Variants in BAG4 observed in about 807,000 individuals in gnomAD.
BAG4 encodes the protein BAG cochaperone 4, also known as BAG family molecular chaperone regulator 4.
BAG4 carries 28 observed loss-of-function variants against 52.1 expected under a neutral mutation model. The observed-to-expected ratio is 0.54, with a 90% CI of 0.40 to 0.74. The LOEUF (loss-of-function observed/expected upper bound fraction) is 0.74. Ranked by LOEUF, BAG4 falls within the 30% of genes least tolerant of loss-of-function variation. The pLI is 0.00. For missense variants in BAG4, 525 were observed against 572.0 expected (o/e 0.92, Z 0.84); for synonymous variants, 208 against 217.0 (o/e 0.96, Z 0.37).
In BAG4 at chr8:38,195,789, A is replaced by G. The variant is rs530174082; in HGVS notation, c.378+2994A>G. Among the ~76,000 whole-genome samples the G allele has an allele frequency of 5.3e-5, 8 of 152,242 alleles. No individual in the cohort carries two copies. In the South Asian group the frequency reaches 1.4e-3, roughly 28 times the overall value. ...GGTTTGGCCACATACTATAAAATCC[A>G]CCCTTCAAAGTGTACAATTCATTTG... On this transcript the variant is annotated intron_variant, in intron 2 of 4. Transcript: ENST00000287322.
rs1247367980 is a variant in BAG4 at position 38,176,909 on chromosome 8, G to T, written c.40G>T (p.Gly14Cys). 1.9e-6 allele frequency: 3 copies of T among 1,547,988 alleles called. No homozygotes were observed. Among genetic ancestry groups the T allele is most frequent in the Non-Finnish European group, 2.6e-6 (3 of 1,146,318 alleles). ...LRRSGYGPSD[G>C]PSYGRYYGPG... ...GCGCTCGGGCTACGGCCCCAGTGACGGTCCGTCCTACGGCCGCTACTACGG... is the reference window on the plus strand; with the variant it reads ...GCGCTCGGGCTACGGCCCCAGTGACTGTCCGTCCTACGGCCGCTACTACGG... The change falls in exon 1 of 5, where the codon GGT becomes TGT. Residue 14 changes from glycine (G) to cysteine (C), a missense_variant. Coordinates refer to ENST00000287322, the MANE Select transcript of BAG4 (RefSeq NM_004874.4).
intron 3 of BAG4, 133 bp from the exon 4 acceptor site, chr8:38,208,880 T>G: frequency 8.9e-7 from 1 of 1,129,212 alleles, no homozygotes; most frequent in Non-Finnish European, 1.2e-6. Flanking sequence ...TTAGATTTAC[T>G]ACAGTTTAGT....
intron 1 of BAG4, among the ~76,000 whole-genome samples, chr8:38,186,594 G>T (rs1043097515): frequency 6.6e-6 from 1 of 152,158 alleles, no homozygotes; most frequent in African/African-American, 2.4e-5. Flanking sequence ...AGGAAAAGAA[G>T]AAGCTAGGAG....
intron 1 of BAG4, among the ~76,000 whole-genome samples, chr8:38,178,186 C>A (rs1241071781): frequency 2.0e-5 from 3 of 147,412 alleles, no homozygotes; most frequent in Non-Finnish European, 4.5e-5. Context: ...GTTGGAGTCT[C>A]GCTCTGTTGC....
At chr8:38,209,297 G>A (rs1803829023) in intron 4 of BAG4, 30 bp downstream of exon 4, 2 of 1,613,598 alleles carry the variant, frequency 1.2e-6, no homozygotes, top group African/African-American at 2.7e-5. Context: ...TTCCTTTAAT[G>A]TGTGTGTAAT....
In BAG4 at chr8:38,211,461, T is replaced by TA; in HGVS notation, c.*971dup. On this transcript the variant is annotated 3_prime_UTR_variant, in exon 5 of 5. Transcript: ENST00000287322. ...TGATAGAGAGTTACAGATGAAACAT[T>TA]AAATGCCACAGTGAGTAGAAATAAT... 6.6e-6 allele frequency: 1 copy of TA among 151,732 alleles called. No homozygotes were observed. Among genetic ancestry groups the TA allele is most frequent in the Non-Finnish European group, 1.5e-5 (1 of 67,866 alleles). The allele number at this position is 151,732 out of a possible 1,614,324, so 9.4% of individuals were successfully genotyped here. A position where few individuals can be genotyped will look rare whatever the true frequency, so the allele number is the denominator to read the frequency against.
At chr8:38,183,526 G>T (rs1585651552) in intron 1 of BAG4, among the ~76,000 whole-genome samples, 1 of 152,146 alleles carries the variant, frequency 6.6e-6, no homozygotes, top group South Asian at 2.1e-4. Flanking sequence ...CAATCAGACA[G>T]ACGGAAAGCA....
At chr8:38,192,982 C>G (rs1354328777) in intron 2 of BAG4, among the ~76,000 whole-genome samples, 187 bp downstream of exon 2, 1 of 151,962 alleles carries the variant, frequency 6.6e-6, no homozygotes, top group East Asian at 1.9e-4. Flanking sequence ...ATACCTATAG[C>G]TTGAGGCATA....
intron 2 of BAG4, chr8:38,201,655 C>T (rs1803663261): frequency 6.6e-6 from 1 of 151,534 alleles, no homozygotes; most frequent in African/African-American, 2.4e-5. Flanking sequence ...TGACTGGTTT[C>T]CTTTTTAAAA....
chr8:38,193,037 C>G (rs751698300), intron 2 of BAG4, among the ~76,000 whole-genome samples: 2 of 152,040 alleles, frequency 1.3e-5, no homozygotes, highest in Non-Finnish European at 2.9e-5. Context: ...ATAAAATATA[C>G]TTATTTTTGA....
chr8:38,209,453 G>C (rs1803831994), intron 4 of BAG4, 186 bp downstream of exon 4: 1 of 678,420 alleles, frequency 1.5e-6, no homozygotes, highest in Admixed American at 3.5e-5. Context: ...TATATTTAGA[G>C]AAGATTTAGA....
At chr8:38,207,883 G>T in intron 3 of BAG4, 117 bp downstream of exon 3, 1 of 1,275,744 alleles carries the variant, frequency 7.8e-7, no homozygotes, top group Non-Finnish European at 1.1e-6. Context: ...GATTGGGAAG[G>T]CTTTTATATT....
At chr8:38,196,343 A>G (rs1268698399) in intron 2 of BAG4, among the ~76,000 whole-genome samples, 1 of 151,984 alleles carries the variant, frequency 6.6e-6, no homozygotes, top group Non-Finnish European at 1.5e-5. Flanking sequence ...CCTTACCAAT[A>G]CTTATTTTCC....
rs1803863146 is a variant in BAG4 at position 38,211,211 on chromosome 8, T to TTC, written c.*719_*720insCT. Reference sequence around the variant, plus strand: ...TTAGAGTTTTTTTCTTCTTTTTTTTTTTTTTTTTTTTTTACCACTTCTGCT... The same window carrying TTC: ...TTAGAGTTTTTTTCTTCTTTTTTTTTTCTTTTTTTTTTTTTACCACTTCTGCT... On this transcript the variant is annotated 3_prime_UTR_variant, in exon 5 of 5. Transcript: ENST00000287322. 6.7e-6 allele frequency: 1 copy of TTC among 149,078 alleles called. No homozygotes were observed. The highest frequency in any genetic ancestry group is 1.5e-5 in the Non-Finnish European group (1 of 67,154). The allele number at this position is 149,078 out of a possible 1,614,324, so 9.2% of individuals were successfully genotyped here. A position where few individuals can be genotyped will look rare whatever the true frequency, so the allele number is the denominator to read the frequency against.
intron 1 of BAG4, among the ~76,000 whole-genome samples, chr8:38,189,816 G>A (rs1398822164): frequency 1.3e-5 from 2 of 152,010 alleles, no homozygotes; most frequent in African/African-American, 2.4e-5. Flanking sequence ...ATTACGTTTT[G>A]TTGTTGTTGT....
intron 2 of BAG4, among the ~76,000 whole-genome samples, chr8:38,204,904 A>G (rs1452391199): frequency 6.6e-6 from 1 of 152,208 alleles, no homozygotes; most frequent in Non-Finnish European, 1.5e-5. Flanking sequence ...GGAAGTTTTA[A>G]AAACATAACC....
Position 38,177,047 on chromosome 8 carries a change from A to T in BAG4, c.178A>T (p.Thr60Ser). The T allele has an allele frequency of 6.2e-7, 1 of 1,608,332 alleles. No homozygotes were observed. ...GGTGCGCGGGGGCGGCCCGGCGGAG[A>T]CCACCTGGCTGGGAGAAGGCGGAGG... ...WRVRGGGPAETTWLGEGGGGD... is the reference protein window; with the variant it reads ...WRVRGGGPAESTWLGEGGGGD... Residue 60 changes from threonine (T) to serine (S), a missense_variant, in exon 1 of 5, where the codon ACC becomes TCC. Thr to Ser is a moderately conservative substitution (Grantham distance 58). Transcript: ENST00000287322.
Position 38,209,278 on chromosome 8 carries a change from T to C in BAG4, c.888+11T>C. The C allele has an allele frequency of 6.2e-7, 1 of 1,614,050 alleles. No homozygotes were observed. The highest frequency in any genetic ancestry group is 8.5e-7 in the Non-Finnish European group (1 of 1,179,970). On this transcript the variant is annotated intron_variant, in intron 4 of 4. Coordinates refer to ENST00000287322, the MANE Select transcript of BAG4 (RefSeq NM_004874.4). ...GTCCAGCAGCCCAAGGTAGGAGACC[T>C]AAATGTTGTTCCTTTAATGTGTGTG...
chr8:38,196,341 A>G (rs2130678499), intron 2 of BAG4, among the ~76,000 whole-genome samples: 1 of 152,188 alleles, frequency 6.6e-6, no homozygotes, highest in Non-Finnish European at 1.5e-5. Context: ...ATCCTTACCA[A>G]TACTTATTTT....
Sources: allele counts gnomAD v4.1 joint callset (sites outside exome capture counted in the v4.1 genomes callset), GRCh38; gene constraint gnomAD v4.1.1; transcripts MANE v1.5; gene names NCBI Gene and HGNC (gene_info 2026-07-23, HGNC 2026-07-21).